Variants in TTPA observed in about 807,000 individuals in gnomAD.
TTPA encodes alpha tocopherol transfer protein, also known as alpha-tocopherol transfer protein.
Under a neutral mutation model 25.9 loss-of-function variants are expected in TTPA, and 23 were observed. The observed-to-expected ratio is 0.89, with a 90% CI of 0.64 to 1.26. The LOEUF is 1.26. Ranked by LOEUF, TTPA falls within the 50% of genes most tolerant of loss-of-function variation. The probability of loss-of-function intolerance (pLI) is 0.00; values close to 1 mark genes in which losing one functional copy is unlikely to be tolerated. For synonymous variants in TTPA, 148 were observed against 137.3 expected (o/e 1.08, Z -0.54); for missense variants, 337 against 353.1 (o/e 0.95, Z 0.37).
chr8:63,074,784 GT>G (rs200044196), intron 1 of TTPA, among the ~76,000 whole-genome samples: 6 of 151,430 alleles, frequency 4.0e-5, no homozygotes, highest in East Asian at 1.9e-4. Flanking sequence ...GAAATAATGT[GT>G]TTTTTTTTCC....
intron 2 of TTPA, among the ~76,000 whole-genome samples, chr8:63,072,375 G>A (rs1288355694): frequency 6.6e-6 from 1 of 152,146 alleles, no homozygotes; most frequent in East Asian, 1.9e-4. Flanking sequence ...CAATCCTCCT[G>A]CCTCGGCCTC....
chr8:63,063,631 C>A (rs1585686727), intron 4 of TTPA, among the ~76,000 whole-genome samples: 1 of 152,240 alleles, frequency 6.6e-6, no homozygotes, highest in East Asian at 1.9e-4. Context: ...CTATAGATAT[C>A]CACTTATATT....
At chr8:63,059,020 G>GTTTTTTTTTTTTGTTT (rs1805248010), downstream of TTPA, among the ~76,000 whole-genome samples, 1 of 67,190 alleles carries the variant, frequency 1.5e-5, no homozygotes, top group African/African-American at 5.9e-5. Flanking sequence ...GCAGGGTCCA[G>GTTTTTTTTTTTTGTTT]TTTTTTTTTT....
intron 1 of TTPA, among the ~76,000 whole-genome samples, chr8:63,078,476 T>C (rs1175561986): frequency 6.6e-6 from 1 of 151,994 alleles, no homozygotes; most frequent in African/African-American, 2.4e-5. Flanking sequence ...GAATAAACAG[T>C]GTAGAGAAGA....
rs532519449 is a variant in TTPA, at chr8:63,083,512, G to C, written c.204+2306C>G. On this transcript the variant is annotated intron_variant, in intron 1 of 4. Coordinates refer to ENST00000260116, the MANE Select transcript of TTPA (RefSeq NM_000370.3). ...AGGGTGGTGAGCTGGGGGAGGGATA[G>C]CATTAGGAGAAATACCTAATGTAAA... Among the ~76,000 whole-genome samples, 22 of 152,162 alleles carry C rather than the reference G, an allele frequency of 1.4e-4. No homozygotes were observed. In the East Asian group the frequency reaches 3.3e-3, roughly 23 times the overall value.
At chr8:63,080,871 A>C (rs1178000823) in intron 1 of TTPA, among the ~76,000 whole-genome samples, 1 of 152,012 alleles carries the variant, frequency 6.6e-6, no homozygotes, top group Non-Finnish European at 1.5e-5. Flanking sequence ...AAACACCTCT[A>C]TGCAAATAAA....
rs1805743979 is a variant in TTPA, at chr8:63,085,890, C to T, written c.132G>A (p.Pro44=). 1 of 1,530,386 alleles carries T rather than the reference C, an allele frequency of 6.5e-7. No individual in the cohort carries two copies. Among genetic ancestry groups the T allele is most frequent in the East Asian group, 2.5e-5 (1 of 40,200 alleles). 94.8% of individuals were successfully genotyped at this position (1,530,386 alleles called of 1,614,324 possible). ...RAREAGVPLA[P]LPLTDSFLLR... ...GCAGGAAGGAGTCGGTGAGCGGCAG[C>T]GGCGCGAGCGGGACGCCAGCTTCCC... The change falls in exon 1 of 5, where the codon CCG becomes CCA. Residue 44 remains proline, a synonymous_variant. Transcript: ENST00000260116.
rs1167270400 is a variant in TTPA at position 63,064,229 on chromosome 8, G to T, written c.640C>A (p.Leu214Met). The T allele has an allele frequency of 6.2e-7, 1 of 1,612,656 alleles. No individual in the cohort carries two copies. The highest frequency in any genetic ancestry group is 1.7e-5 in the Admixed American group (1 of 59,912). ...ACCCGTTCCTTAATTTTTTCAGTCA[G>T]GAATGGTTTGATCATGGAAAAGACA... ...HAVFSMIKPF[L>M]TEKIKERIHM... Residue 214 changes from leucine to methionine, a missense_variant, in exon 4 of 5, where the codon CTG (leucine) becomes ATG (methionine). Transcript: ENST00000260116.
In TTPA at chr8:63,075,796, G is replaced by A. The variant is rs149250980; in HGVS notation, c.205-2708C>T. On this transcript the variant is annotated intron_variant, in intron 1 of 4. Coordinates refer to ENST00000260116, the MANE Select transcript of TTPA (RefSeq NM_000370.3). ...TCAGGAGCAGAGTGGAAACTGAAAT[G>A]GACACATGATATGAAAAATTTTATA... Among the ~76,000 whole-genome samples, 482 of 151,808 alleles carry A rather than the reference G, an allele frequency of 3.2e-3. 3 individuals carry two copies. The highest frequency in any genetic ancestry group is 0.011 in the African/African-American group (467 of 41,372).
chr8:63,085,894 G>A lies in TTPA; in HGVS notation c.128C>T (p.Ala43Val). Residue 43 changes from alanine to valine, a missense_variant, in exon 1 of 5, where the codon GCG (alanine) becomes GTG (valine). Coordinates refer to ENST00000260116, the MANE Select transcript of TTPA (RefSeq NM_000370.3). Reference protein sequence around the residue: ...RRAREAGVPLAPLPLTDSFLL... With the variant: ...RRAREAGVPLVPLPLTDSFLL... ...GAAGGAGTCGGTGAGCGGCAGCGGC[G>A]CGAGCGGGACGCCAGCTTCCCGGGC... The A allele has an allele frequency of 6.5e-7, 1 of 1,530,352 alleles. No individual in the cohort carries two copies. The highest frequency in any genetic ancestry group is 8.7e-7 in the Non-Finnish European group (1 of 1,143,832). 94.8% of individuals were successfully genotyped at this position (1,530,352 alleles called of 1,614,324 possible).
rs1377036547 is a variant in TTPA at position 63,085,805 on chromosome 8, C to A, written c.204+13G>T. 2 of 1,533,584 alleles carry A rather than the reference C, an allele frequency of 1.3e-6. No individual in the cohort carries two copies. The highest frequency in any genetic ancestry group is 2.8e-5 in the African/African-American group (2 of 72,366). The allele number at this position is 1,533,584 out of a possible 1,614,324, so 95.0% of individuals were successfully genotyped here. ...GGTGCGCACTGCCGAGCGCCCTGGGCACGCACGCTTACCCGCCAGGCCAGG... is the reference window on the plus strand; with the variant it reads ...GGTGCGCACTGCCGAGCGCCCTGGGAACGCACGCTTACCCGCCAGGCCAGG... On this transcript the variant is annotated intron_variant, in intron 1 of 4. Transcript: ENST00000260116.
At chr8:63,073,402 G>T (rs148277952) in intron 1 of TTPA, among the ~76,000 whole-genome samples, 3 of 152,252 alleles carry the variant, frequency 2.0e-5, no homozygotes, top group East Asian at 1.9e-4. Context: ...GCATCTATTT[G>T]CTTCACTCCC....
intron 1 of TTPA, among the ~76,000 whole-genome samples, chr8:63,080,340 T>A (rs1312873277): frequency 6.6e-6 from 1 of 151,958 alleles, no homozygotes; most frequent in Non-Finnish European, 1.5e-5. Context: ...CTGAAAGAGA[T>A]AGAGATACAA....
At chr8:63,082,403 A>G (rs1250011163) in intron 1 of TTPA, among the ~76,000 whole-genome samples, 3 of 152,232 alleles carry the variant, frequency 2.0e-5, no homozygotes, top group Non-Finnish European at 2.9e-5. Context: ...AGGATTCCCT[A>G]TTTAATAAAT....
At chr8:63,085,784 C>A in intron 1 of TTPA, 34 bp downstream of exon 1, 1 of 1,529,258 alleles carries the variant, frequency 6.5e-7, no homozygotes, top group Non-Finnish European at 8.7e-7. Context: ...GGGTGAGGTG[C>A]GCACTGCCGA....
chr8:63,081,520 C>T (rs572821657), intron 1 of TTPA, among the ~76,000 whole-genome samples: 1 of 152,212 alleles, frequency 6.6e-6, no homozygotes, highest in Admixed American at 6.5e-5. Context: ...TTATGACAGA[C>T]CCACAGTCAG....
chr8:63,079,154 G>C (rs1805618746), intron 1 of TTPA, among the ~76,000 whole-genome samples: 1 of 152,102 alleles, frequency 6.6e-6, no homozygotes, highest in Non-Finnish European at 1.5e-5. Flanking sequence ...TCACCACCAG[G>C]CCTGCCTTAC....
chr8:63,061,250 T>G lies in TTPA; in HGVS notation c.*2A>C. The G allele has an allele frequency of 6.2e-7, 1 of 1,613,212 alleles. No homozygotes were observed. The highest frequency in any genetic ancestry group is 8.5e-7 in the Non-Finnish European group (1 of 1,179,824). ...AGGAAGCCATTCACATGACATAACT[T>G]CTCATTGAATGCTCTCAGAAATGCT... On this transcript the variant is annotated 3_prime_UTR_variant, in exon 5 of 5. Transcript: ENST00000260116.
At chr8:63,077,658 AG>A (rs1200743821) in intron 1 of TTPA, among the ~76,000 whole-genome samples, 1 of 152,226 alleles carries the variant, frequency 6.6e-6, no homozygotes, top group East Asian at 1.9e-4. Context: ...GTGGGCCAAA[AG>A]CTCGAACTGG....
Sources: allele counts gnomAD v4.1 joint callset (sites outside exome capture counted in the v4.1 genomes callset), GRCh38; gene constraint gnomAD v4.1.1; transcripts MANE v1.5; gene names NCBI Gene and HGNC (gene_info 2026-07-23, HGNC 2026-07-21).